SLAIN2: variants seen among roughly 807,000 people sequenced by gnomAD.
SLAIN2 encodes the protein SLAIN motif-containing protein 2.
SLAIN2 carries 31 observed loss-of-function variants against 56.6 expected under a neutral mutation model. The observed-to-expected ratio is 0.55, with a 90% CI of 0.41 to 0.74. The LOEUF is 0.74. SLAIN2 is among the 30% of genes least tolerant of loss of function. The pLI is 0.00. For synonymous variants in SLAIN2, 317 were observed against 284.9 expected (o/e 1.11, Z -1.13); for missense variants, 777 against 754.2 (o/e 1.03, Z -0.35).
intron 6 of SLAIN2, among the ~76,000 whole-genome samples, chr4:48,413,073 A>C (rs1401872235): frequency 3.3e-5 from 5 of 152,060 alleles, no homozygotes; most frequent in Non-Finnish European, 7.4e-5. Flanking sequence ...ACCAAAAAAA[A>C]ACAAATTATC....
intron 7 of SLAIN2, among the ~76,000 whole-genome samples, chr4:48,421,023 GT>G (rs550771753): frequency 0.01 from 1,521 of 151,984 alleles, 7 homozygotes; most frequent in Non-Finnish European, 0.017. Context: ...TTTTTGTTTT[GT>G]TTTTGTTTTG....
intron 6 of SLAIN2, among the ~76,000 whole-genome samples, chr4:48,393,730 ATAC>A (rs1250830770): frequency 6.6e-6 from 1 of 152,184 alleles, no homozygotes; most frequent in Non-Finnish European, 1.5e-5. Context: ...AGCTGCTTAA[ATAC>A]ACTGGTAGGT....
intron 1 of SLAIN2, among the ~76,000 whole-genome samples, chr4:48,355,487 C>G (rs1361868204): frequency 6.6e-6 from 1 of 152,004 alleles, no homozygotes; most frequent in Admixed American, 6.5e-5. Context: ...CTTCTTCCCC[C>G]CAAGTGTATT....
chr4:48,348,761 C>T (rs1178565553), intron 1 of SLAIN2, among the ~76,000 whole-genome samples: 1 of 151,756 alleles, frequency 6.6e-6, no homozygotes, highest in Admixed American at 6.6e-5. Context: ...TATTTAGCAG[C>T]GGAAGCATCA....
intron 6 of SLAIN2, among the ~76,000 whole-genome samples, chr4:48,399,107 A>G (rs545396434): frequency 1.3e-5 from 2 of 152,182 alleles, no homozygotes; most frequent in East Asian, 3.9e-4. Flanking sequence ...TTTTCATGAT[A>G]TTATGATATT....
chr4:48,372,580 TTG>T (rs1243282391), intron 2 of SLAIN2, among the ~76,000 whole-genome samples: 3 of 152,184 alleles, frequency 2.0e-5, no homozygotes, highest in Non-Finnish European at 4.4e-5. Context: ...CAACCTGGAC[TTG>T]GGTAAAAGTA....
chr4:48,398,896 A>G (rs1310074601), intron 6 of SLAIN2, among the ~76,000 whole-genome samples: 3 of 152,186 alleles, frequency 2.0e-5, no homozygotes, highest in Non-Finnish European at 4.4e-5. Flanking sequence ...TGGTAACTCT[A>G]GCCTTGTAGT....
At chr4:48,418,912 A>C (rs186245300) in intron 6 of SLAIN2, among the ~76,000 whole-genome samples, 1 of 152,196 alleles carries the variant, frequency 6.6e-6, no homozygotes, top group Admixed American at 6.5e-5. Flanking sequence ...TCATTCAGCA[A>C]AATTTTTGAT....
intron 2 of SLAIN2, 93 bp from the exon 3 acceptor site, chr4:48,377,803 A>G (rs1270439158): frequency 2.6e-6 from 3 of 1,156,370 alleles, no homozygotes; most frequent in Non-Finnish European, 3.7e-6. Context: ...AAATTGAGAT[A>G]ATGATTTAGT....
chr4:48,394,738 G>C (rs1716334371), intron 6 of SLAIN2: 2 of 986,278 alleles, frequency 2.0e-6, no homozygotes, highest in Non-Finnish European at 3.0e-6. Flanking sequence ...AGTCAGTGGT[G>C]TCTGTAAGGC....
intron 6 of SLAIN2, among the ~76,000 whole-genome samples, chr4:48,389,802 G>A (rs1304406404): frequency 1.3e-5 from 2 of 152,172 alleles, no homozygotes; most frequent in Admixed American, 6.5e-5. Context: ...ATGAGGGGAT[G>A]ATAGCTATAG....
chr4:48,364,321 G>T (rs1245985890), intron 1 of SLAIN2, among the ~76,000 whole-genome samples: 10 of 94,076 alleles, frequency 1.1e-4, no homozygotes, highest in African/African-American at 3.8e-4. Context: ...ATGTGATGGC[G>T]GCTGGGAAGA....
intron 1 of SLAIN2, among the ~76,000 whole-genome samples, chr4:48,358,320 A>G (rs1715217611): frequency 6.9e-6 from 1 of 145,512 alleles, no homozygotes; most frequent in African/African-American, 2.5e-5. Context: ...TTGACTAACA[A>G]AGCTTTTTTT....
chr4:48,343,039 T>C (rs898178141), intron 1 of SLAIN2, among the ~76,000 whole-genome samples: 4 of 152,240 alleles, frequency 2.6e-5, no homozygotes, highest in African/African-American at 9.6e-5. Flanking sequence ...ATTATTTGTC[T>C]TAATTCATTT....
intron 1 of SLAIN2, among the ~76,000 whole-genome samples, chr4:48,352,629 G>A (rs1267110548): frequency 2.0e-5 from 3 of 152,180 alleles, no homozygotes; most frequent in Non-Finnish European, 4.4e-5. Flanking sequence ...GATGTTGCCA[G>A]GTGTCCCTTT....
Position 48,360,875 on chromosome 4 carries a change from T to G in SLAIN2, c.390-8974T>G, listed in dbSNP as rs190952084. Among the ~76,000 whole-genome samples, 254 of 152,344 alleles carry G rather than the reference T, an allele frequency of 1.7e-3. 1 individual carries two copies. Among genetic ancestry groups the G allele is most frequent in the Non-Finnish European group, 2.9e-3 (195 of 68,030 alleles). ...ATGGTATCATACAATCTGCGATGTT[T>G]TGTGACTGGCTTCTTTTACTTAGCA... is the stretch of plus-strand genomic sequence containing the variant. On this transcript the variant is annotated intron_variant, in intron 1 of 7. Coordinates refer to ENST00000264313, the MANE Select transcript of SLAIN2 (RefSeq NM_020846.2).
At chr4:48,376,662 C>T (rs1325872662) in intron 2 of SLAIN2, among the ~76,000 whole-genome samples, 23 of 141,178 alleles carry the variant, frequency 1.6e-4, no homozygotes, top group African/African-American at 5.7e-4. Context: ...CGCTCTGTCA[C>T]CCAGGCTGGA....
intron 1 of SLAIN2, among the ~76,000 whole-genome samples, chr4:48,351,254 C>T (rs935150199): frequency 2.0e-5 from 3 of 152,204 alleles, no homozygotes; most frequent in South Asian, 2.1e-4. Context: ...TAGGTACTCT[C>T]AAGTTAGGTT....
chr4:48,418,589 A>G (rs1248449694), intron 6 of SLAIN2, among the ~76,000 whole-genome samples: 1 of 152,134 alleles, frequency 6.6e-6, no homozygotes, highest in Non-Finnish European at 1.5e-5. Flanking sequence ...TATATTTGTA[A>G]ACAATATTGA....
Sources: gnomAD v4.1 joint callset for allele counts (sites outside exome capture counted in the v4.1 genomes callset) on GRCh38, gnomAD v4.1.1 for gene constraint, MANE v1.5 for transcripts, NCBI Gene and HGNC (gene_info 2026-07-23, HGNC 2026-07-21) for gene names.